Variants in PPARGC1A observed in about 807,000 individuals in gnomAD.
PPARGC1A encodes the protein PPARG coactivator 1 alpha.
Under a neutral mutation model 88.7 loss-of-function variants are expected in PPARGC1A, and 25 were observed. That is an observed-to-expected ratio of 0.28 (90% CI 0.21 to 0.39). The LOEUF is 0.39. Ranked by LOEUF, PPARGC1A falls within the 10% of genes least tolerant of loss-of-function variation. The pLI is 1.00. For synonymous variants in PPARGC1A, 363 were observed against 355.6 expected (o/e 1.02, Z -0.24); for missense variants, 880 against 968.7 (o/e 0.91, Z 1.22).
chr4:24,306,037 G>A, the PPARGC1A span, among the ~76,000 whole-genome samples: 1 of 152,144 alleles, frequency 6.6e-6, no homozygotes, highest in African/African-American at 2.4e-5. Flanking sequence ...CAGAAGACCT[G>A]GGGAGCAGTC....
chr4:24,411,283 C>A, the PPARGC1A span, among the ~76,000 whole-genome samples: 3 of 152,222 alleles, frequency 2.0e-5, no homozygotes, highest in African/African-American at 7.2e-5. Context: ...TTACTCAGTG[C>A]TTTACAATTA....
chr4:24,122,382 CGTATGTGTGTGTGTGTGT>C, the PPARGC1A span, among the ~76,000 whole-genome samples: 2 of 69,946 alleles, frequency 2.9e-5, no homozygotes, highest in Admixed American at 1.5e-4. Flanking sequence ...TGTGTGTATG[CGTATGTGTGTGTGTGTGT>C]GTGTGTGTGT....
the PPARGC1A span, among the ~76,000 whole-genome samples, chr4:23,949,869 C>G: frequency 0.014 from 2,090 of 152,232 alleles, 46 homozygotes; most frequent in African/African-American, 0.047. Context: ...TTGCAGCTAC[C>G]CTACAAATCT....
the PPARGC1A span, among the ~76,000 whole-genome samples, chr4:24,467,823 A>C: frequency 6.6e-6 from 1 of 152,318 alleles, no homozygotes; most frequent in African/African-American, 2.4e-5. Context: ...CTCTGAGAAG[A>C]TAGTTCCCTT....
At chr4:24,017,696 A>G in the PPARGC1A span, among the ~76,000 whole-genome samples, 3 of 152,122 alleles carry the variant, frequency 2.0e-5, no homozygotes, top group East Asian at 1.9e-4. Flanking sequence ...GGACATCATT[A>G]TTTACAGCAT....
chr4:24,336,323 G>A, the PPARGC1A span, among the ~76,000 whole-genome samples: 4 of 152,100 alleles, frequency 2.6e-5, no homozygotes, highest in Admixed American at 1.3e-4. Context: ...GGTACATCTC[G>A]AGCTGGGATA....
chr4:24,366,985 T>C, the PPARGC1A span, among the ~76,000 whole-genome samples: 1 of 152,160 alleles, frequency 6.6e-6, no homozygotes, highest in African/African-American at 2.4e-5. Flanking sequence ...TACACACTTG[T>C]GGAAAAAACA....
the PPARGC1A span, among the ~76,000 whole-genome samples, chr4:24,176,620 G>C: frequency 6.6e-6 from 1 of 152,158 alleles, no homozygotes; most frequent in East Asian, 1.9e-4. Context: ...GAAGAGCCCT[G>C]TGCCAGACAT....
At chr4:24,054,331 A>G in the PPARGC1A span, among the ~76,000 whole-genome samples, 10 of 150,014 alleles carry the variant, frequency 6.7e-5, no homozygotes, top group South Asian at 2.1e-3. Flanking sequence ...AAAAAACACT[A>G]TATTTGCACT....
At chr4:24,019,049 CTTAAA>C in the PPARGC1A span, among the ~76,000 whole-genome samples, 1 of 152,138 alleles carries the variant, frequency 6.6e-6, no homozygotes, top group Admixed American at 6.5e-5. Flanking sequence ...TCATGTTTCA[CTTAAA>C]TTATTGTGAA....
the PPARGC1A span, among the ~76,000 whole-genome samples, chr4:24,126,577 CT>C: frequency 6.6e-6 from 1 of 152,112 alleles, no homozygotes; most frequent in Non-Finnish European, 1.5e-5. Context: ...GTGAGTTTTC[CT>C]GACCTTTTCC....
chr4:23,885,833 C>G (rs964603588), intron 1 of PPARGC1A, among the ~76,000 whole-genome samples: 3 of 152,136 alleles, frequency 2.0e-5, no homozygotes, highest in African/African-American at 7.2e-5. Flanking sequence ...AAAATAATTT[C>G]TACATATTGA....
the PPARGC1A span, among the ~76,000 whole-genome samples, chr4:24,122,743 C>T: frequency 2.6e-5 from 4 of 152,010 alleles, no homozygotes; most frequent in African/African-American, 9.7e-5. Flanking sequence ...CAACTAAGGG[C>T]TTAGAGATGT....
chr4:24,323,602 T>C, the PPARGC1A span, among the ~76,000 whole-genome samples: 2 of 152,026 alleles, frequency 1.3e-5, no homozygotes, highest in Non-Finnish European at 1.5e-5. Context: ...CCCACCCCTA[T>C]CTCCCTTCAC....
the PPARGC1A span, among the ~76,000 whole-genome samples, chr4:24,380,554 T>C: frequency 6.6e-6 from 1 of 151,906 alleles, no homozygotes; most frequent in Non-Finnish European, 1.5e-5. Context: ...AGTAGTAAAA[T>C]TAGCGGAGTC....
intron 2 of PPARGC1A, among the ~76,000 whole-genome samples, chr4:23,846,780 A>G (rs904505582): frequency 2.0e-5 from 3 of 152,174 alleles, no homozygotes; most frequent in Admixed American, 2.0e-4. Context: ...GACAAAATAA[A>G]TTACTATAAA....
chr4:24,341,120 C>G, the PPARGC1A span, among the ~76,000 whole-genome samples: 34 of 151,844 alleles, frequency 2.2e-4, no homozygotes, highest in African/African-American at 8.0e-4. Context: ...AAAAGCTAAT[C>G]CTACGGGAAG....
chr4:24,058,087 C>G, the PPARGC1A span, among the ~76,000 whole-genome samples: 1 of 152,116 alleles, frequency 6.6e-6, no homozygotes, highest in Admixed American at 6.5e-5. Context: ...TACTTTTGGA[C>G]CTTAAAAGCC....
the PPARGC1A span, among the ~76,000 whole-genome samples, chr4:24,465,549 TTGA>T: frequency 2.0e-5 from 3 of 152,212 alleles, no homozygotes; most frequent in African/African-American, 4.8e-5. Flanking sequence ...TTCTGCTTCC[TTGA>T]TGATGAATAC....
Sources: gnomAD v4.1 joint callset for allele counts (sites outside exome capture counted in the v4.1 genomes callset) on GRCh38, gnomAD v4.1.1 for gene constraint, MANE v1.5 for transcripts, NCBI Gene and HGNC (gene_info 2026-07-23, HGNC 2026-07-21) for gene names.